GAREM1: variants seen among roughly 807,000 people sequenced by gnomAD.
GAREM1 encodes GRB2-associated and regulator of MAPK protein 1.
GAREM1 carries 26 observed loss-of-function variants against 71.3 expected under a neutral mutation model. That is an observed-to-expected ratio of 0.36 (90% confidence interval 0.27 to 0.51). GAREM1 has a LOEUF of 0.51. Among genes scored for constraint, GAREM1 ranks in the 20% least tolerant of loss-of-function variants. The probability of loss-of-function intolerance (pLI) is 0.95; values close to 1 mark genes in which losing one functional copy is unlikely to be tolerated. For synonymous variants in GAREM1, 440 were observed against 433.2 expected, an observed-to-expected ratio of 1.02 and a Z score of -0.20; for missense variants, 1,026 against 1,103.1, an observed-to-expected ratio of 0.93 and a Z score of 0.99.
intron 4 of GAREM1, among the ~76,000 whole-genome samples, chr18:32,272,159 A>G (rs937734868): frequency 6.6e-6 from 1 of 152,156 alleles, no homozygotes; most frequent in Non-Finnish European, 1.5e-5. Context: ...ATGTTATCAC[A>G]CTGCATCTCC....
At chr18:32,413,697 G>C (rs1033480897) in intron 1 of GAREM1, among the ~76,000 whole-genome samples, 7 of 152,030 alleles carry the variant, frequency 4.6e-5, no homozygotes, top group Non-Finnish European at 7.4e-5. Context: ...CTGTTAAGTA[G>C]GGTGCAACTT....
At chr18:32,318,727 C>T (rs139882083) in intron 2 of GAREM1, among the ~76,000 whole-genome samples, 1 of 152,282 alleles carries the variant, frequency 6.6e-6, no homozygotes, top group African/African-American at 2.4e-5. Flanking sequence ...TTCAGCATGG[C>T]AGTCTACTTT....
chr18:32,315,071 G>A lies in GAREM1; in HGVS notation c.263-4748C>T, dbSNP rs536926133. 2.6e-5 allele frequency among the ~76,000 whole-genome samples: 4 copies of A among 152,180 alleles called. No individual in the cohort carries two copies. In the South Asian group the frequency reaches 8.3e-4, roughly 32 times the overall value. On this transcript the variant is annotated intron_variant, in intron 2 of 5. Coordinates refer to ENST00000269209, the MANE Select transcript of GAREM1 (RefSeq NM_001242409.2). Reference sequence around the variant, plus strand: ...GTTCTCAAGATGCAGGGATTCATATGTATGCCAAACACTCATTGAGTAGTC... The same window carrying A: ...GTTCTCAAGATGCAGGGATTCATATATATGCCAAACACTCATTGAGTAGTC...
At chr18:32,427,617 A>G (rs1242161912) in intron 1 of GAREM1, among the ~76,000 whole-genome samples, 2 of 152,210 alleles carry the variant, frequency 1.3e-5, no homozygotes, top group Non-Finnish European at 2.9e-5. Flanking sequence ...TTTTTCCTCC[A>G]AGGGACTGTA....
At chr18:32,317,987 A>C (rs1166194935) in intron 2 of GAREM1, among the ~76,000 whole-genome samples, 2 of 152,176 alleles carry the variant, frequency 1.3e-5, no homozygotes, top group Non-Finnish European at 2.9e-5. Flanking sequence ...ACATTTGGAG[A>C]TTGTTGAAAC....
chr18:32,466,594 G>A (rs1301463473), intron 1 of GAREM1, among the ~76,000 whole-genome samples: 1 of 152,138 alleles, frequency 6.6e-6, no homozygotes, highest in Non-Finnish European at 1.5e-5. Context: ...TCTAACACAA[G>A]CCTTCAGGGT....
chr18:32,372,561 T>C (rs1211556483), intron 2 of GAREM1, among the ~76,000 whole-genome samples: 1 of 152,068 alleles, frequency 6.6e-6, no homozygotes, highest in African/African-American at 2.4e-5. Flanking sequence ...GTACTGACAA[T>C]ATACACCCAA....
At chr18:32,387,993 T>C (rs891841649) in intron 2 of GAREM1, among the ~76,000 whole-genome samples, 1 of 151,994 alleles carries the variant, frequency 6.6e-6, no homozygotes, top group African/African-American at 2.4e-5. Flanking sequence ...AAGTAAGGGG[T>C]ACTACTTGGA....
At chr18:32,450,155 A>C (rs1203151300) in intron 1 of GAREM1, among the ~76,000 whole-genome samples, 1 of 152,188 alleles carries the variant, frequency 6.6e-6, no homozygotes, top group Non-Finnish European at 1.5e-5. Flanking sequence ...AGATATTCTA[A>C]TATTCTGAGT....
At chr18:32,395,751 A>C (rs955231886) in intron 1 of GAREM1, among the ~76,000 whole-genome samples, 3 of 152,194 alleles carry the variant, frequency 2.0e-5, no homozygotes, top group Non-Finnish European at 2.9e-5. Context: ...GGCATAGCCG[A>C]ACAAAAGGCA....
intron 1 of GAREM1, among the ~76,000 whole-genome samples, chr18:32,450,188 A>G (rs1247779939): frequency 1.3e-5 from 2 of 152,212 alleles, no homozygotes; most frequent in Non-Finnish European, 1.5e-5. Flanking sequence ...GTATCAATCA[A>G]CTTATAACTG....
Position 32,470,507 on chromosome 18 carries a change from G to A in GAREM1, c.-79C>T. 2 of 1,069,250 alleles carry A rather than the reference G, an allele frequency of 1.9e-6. No individual in the cohort carries two copies. Among genetic ancestry groups the A allele is most frequent in the Non-Finnish European group, 2.3e-6 (2 of 874,948 alleles). The allele number at this position is 1,069,250 out of a possible 1,614,324, so 66.2% of individuals were successfully genotyped here. ...CGCGCCTCGGCGGCCGCCGCTGCTC[G>A]CGCTCGCGGTCTGGGGCGCGCGGGA... On this transcript the variant is annotated 5_prime_UTR_variant, in exon 1 of 6. Transcript: ENST00000269209. The surrounding 1 kb of genome is among the most constrained non-coding windows in gnomAD (Gnocchi z 4.4).
chr18:32,292,653 T>C (rs2047098792), intron 3 of GAREM1, among the ~76,000 whole-genome samples: 1 of 152,208 alleles, frequency 6.6e-6, no homozygotes, highest in African/African-American at 2.4e-5. Flanking sequence ...CCCACATTGC[T>C]GGGCACTCAT....
chr18:32,393,196 T>TTTA (rs1555642134), intron 1 of GAREM1, among the ~76,000 whole-genome samples, 161 bp from the exon 2 acceptor site: 1 of 144,932 alleles, frequency 6.9e-6, no homozygotes, highest in Admixed American at 6.8e-5. Flanking sequence ...TTTTTTTTTT[T>TTTA]AAAAAAGGGT....
rs1276893907 is a variant in GAREM1, at chr18:32,264,757, T to C, written c.*3114A>G. The C allele has an allele frequency of 1.3e-5, 2 of 152,226 alleles. No individual in the cohort carries two copies. The highest frequency in any genetic ancestry group is 2.9e-5 in the Non-Finnish European group (2 of 68,044). 9.4% of individuals were successfully genotyped at this position (152,226 alleles called of 1,614,324 possible). ...AACTTGCAAGATTGATCTGTGAGTG[T>C]CTGAATTCTGCCTCCCAACATGAGT... On this transcript the variant is annotated 3_prime_UTR_variant, in exon 6 of 6. Transcript: ENST00000269209.
chr18:32,275,363 T>C (rs896042296), intron 4 of GAREM1, among the ~76,000 whole-genome samples: 3 of 152,218 alleles, frequency 2.0e-5, no homozygotes, highest in Non-Finnish European at 2.9e-5. Context: ...GAGGGGCCCC[T>C]GTATTATCAG....
chr18:32,380,075 A>G (rs2048080432), intron 2 of GAREM1, among the ~76,000 whole-genome samples: 2 of 152,218 alleles, frequency 1.3e-5, no homozygotes, highest in Non-Finnish European at 2.9e-5. Context: ...CCGCCATGAC[A>G]CGCATGGTTG....
Position 32,268,101 on chromosome 18 carries a change from G to C in GAREM1, c.2401C>G (p.Pro801Ala). ...LAPRSCGDGS[P>A]WQPPADLSGL... ...GATAGGTCAGCAGGTGGCTGCCATG[G>C]GGAACCGTCGCCACAGGATCTGGGG... The change falls in exon 6 of 6, where the codon CCA (proline) becomes GCA (alanine). Residue 801 changes from proline (P) to alanine (A), a missense_variant. Pro to Ala is a conservative substitution (Grantham distance 27). Coordinates refer to ENST00000269209, the MANE Select transcript of GAREM1 (RefSeq NM_001242409.2). The C allele has an allele frequency of 6.2e-7, 1 of 1,614,108 alleles. No homozygotes were observed. The highest frequency in any genetic ancestry group is 1.1e-5 in the South Asian group (1 of 91,066).
chr18:32,346,004 T>C (rs2047692262), intron 2 of GAREM1, among the ~76,000 whole-genome samples: 1 of 152,232 alleles, frequency 6.6e-6, no homozygotes, highest in East Asian at 1.9e-4. Context: ...GAATTTCTTT[T>C]TTTTTCAGTT....
Sources: gnomAD v4.1 joint callset for allele counts (sites outside exome capture counted in the v4.1 genomes callset) on GRCh38, gnomAD v4.1.1 for gene constraint, Gnocchi (gnomAD v3.1) non-coding constraint, MANE v1.5 for transcripts, NCBI Gene and HGNC (gene_info 2026-07-23, HGNC 2026-07-21) for gene names.